Variants in TMTC1 observed in about 807,000 individuals in gnomAD.
The protein encoded by TMTC1 is transmembrane O-mannosyltransferase targeting cadherins 1.
Under a neutral mutation model 104.8 loss-of-function variants are expected in TMTC1, and 73 were observed. The observed-to-expected ratio is 0.70, with a 90% CI of 0.58 to 0.85. The LOEUF (loss-of-function observed/expected upper bound fraction) is 0.85, where lower values mean the gene tolerates loss of function less well. TMTC1 is among the 40% of genes least tolerant of loss of function. The pLI, the probability that TMTC1 is intolerant of heterozygous loss-of-function variation, is 0.00. For synonymous variants in TMTC1, 434 were observed against 428.7 expected (o/e 1.01, Z -0.15); for missense variants, 1,035 against 1,096.1 (o/e 0.94, Z 0.79).
chr12:29,760,567 C>T (rs1943320601), intron 2 of TMTC1, among the ~76,000 whole-genome samples: 2 of 152,122 alleles, frequency 1.3e-5, no homozygotes, highest in African/African-American at 4.8e-5. Context: ...TACGTCTTAA[C>T]TGTGGAATCA....
At chr12:29,590,324 CAAGTGGCTATA>C (rs1740141933) in intron 7 of TMTC1, among the ~76,000 whole-genome samples, 2 of 152,196 alleles carry the variant, frequency 1.3e-5, no homozygotes, top group Admixed American at 6.5e-5. Context: ...GTTATTGCCA[CAAGTGGCTATA>C]AAGTATCCTA....
At chr12:29,651,669 T>C (rs774937019) in intron 5 of TMTC1, among the ~76,000 whole-genome samples, 23 of 152,182 alleles carry the variant, frequency 1.5e-4, no homozygotes, top group Non-Finnish European at 2.4e-4. Context: ...ATTAAACCTT[T>C]TCATGTTCAG....
At chr12:29,629,295 G>C (rs1054213166) in intron 6 of TMTC1, among the ~76,000 whole-genome samples, 1 of 151,808 alleles carries the variant, frequency 6.6e-6, no homozygotes, top group African/African-American at 2.4e-5. Context: ...ACTCCAGCCT[G>C]GGCAACAGAG....
At chr12:29,691,490 C>CTGT in intron 5 of TMTC1, among the ~76,000 whole-genome samples, 1 of 109,024 alleles carries the variant, frequency 9.2e-6, no homozygotes, top group Non-Finnish European at 2.0e-5. Flanking sequence ...AATTACTCTC[C>CTGT]CTCCATTGAA....
At chr12:29,558,997 T>C (rs1180091163) in intron 9 of TMTC1, among the ~76,000 whole-genome samples, 1 of 152,226 alleles carries the variant, frequency 6.6e-6, no homozygotes, top group African/African-American at 2.4e-5. Context: ...TTGGCTTTTG[T>C]TTGCTTTGTA....
At chr12:29,754,985 GTAAGGACCT>G (rs1294926323) in intron 4 of TMTC1, among the ~76,000 whole-genome samples, 1 of 151,752 alleles carries the variant, frequency 6.6e-6, no homozygotes, top group African/African-American at 2.4e-5. Flanking sequence ...AAGTTTAAAA[GTAAGGACCT>G]TATAATTACT....
chr12:29,606,698 A>C (rs578177449), intron 6 of TMTC1, among the ~76,000 whole-genome samples: 1 of 152,290 alleles, frequency 6.6e-6, no homozygotes, highest in African/African-American at 2.4e-5. Flanking sequence ...GCTGTTATCC[A>C]TGTCCCTAGA....
chr12:29,522,582 GTGTGTA>G (rs1944206713), intron 11 of TMTC1, among the ~76,000 whole-genome samples: 1 of 124,200 alleles, frequency 8.1e-6, no homozygotes, highest in Admixed American at 7.7e-5. Context: ...GTGTGTGTGT[GTGTGTA>G]ATGAAGACAG....
chr12:29,770,086 A>G lies in TMTC1; in HGVS notation c.303-2011T>C, dbSNP rs145976903. ...ATCCTTGATAAATTTGACTACTCCC[A>G]TGGATCCTAAAATTTAGATAATAAA... On this transcript the variant is annotated intron_variant, in intron 1 of 17. Transcript: ENST00000539277. 4.9e-4 allele frequency among the ~76,000 whole-genome samples: 75 copies of G among 152,174 alleles called. No homozygotes were observed. The East Asian group carries it at 0.014, about 28-fold the overall frequency.
chr12:29,712,969 A>G (rs1941971253), intron 5 of TMTC1, among the ~76,000 whole-genome samples: 1 of 152,118 alleles, frequency 6.6e-6, no homozygotes, highest in African/African-American at 2.4e-5. Flanking sequence ...AGACGTTGCT[A>G]TGAAGGTATT....
At chr12:29,570,305 A>G (rs1455752017) in intron 9 of TMTC1, among the ~76,000 whole-genome samples, 2 of 152,234 alleles carry the variant, frequency 1.3e-5, no homozygotes, top group Non-Finnish European at 2.9e-5. Flanking sequence ...AACACACAAA[A>G]AATTATAAAG....
intron 16 of TMTC1, among the ~76,000 whole-genome samples, chr12:29,512,817 C>T (rs796457034): frequency 3.3e-5 from 5 of 152,124 alleles, no homozygotes; most frequent in Non-Finnish European, 5.9e-5. Context: ...CAAAGGTGTG[C>T]TCACCACTGA....
rs1943930234 is a variant in TMTC1 at position 29,514,576 on chromosome 12, T to C, written c.2336A>G (p.Gln779Arg). Residue 779 changes from glutamine to arginine, a missense_variant, in exon 16 of 18, where the codon CAG (glutamine) becomes CGG (arginine). Physicochemically the swap from Gln to Arg is conservative, Grantham distance 43 (BLOSUM62 1). Coordinates refer to ENST00000539277, the MANE Select transcript of TMTC1 (RefSeq NM_001193451.2). The stretch of plus-strand genomic sequence containing the variant: ...GACTTTTGGGTCCTTTGGTTTCAGC[T>C]GGAGAGCCTTGTCTATAGCATCAAG... ...KALDAIDKAL[Q>R]LKPKDPKVIS... The C allele has an allele frequency of 3.7e-6, 6 of 1,613,968 alleles. No individual in the cohort carries two copies. The highest frequency in any genetic ancestry group is 5.1e-6 in the Non-Finnish European group (6 of 1,179,992).
chr12:29,639,670 A>G (rs1275332418), intron 5 of TMTC1, among the ~76,000 whole-genome samples: 1 of 152,226 alleles, frequency 6.6e-6, no homozygotes, highest in East Asian at 1.9e-4. Context: ...ACCAAAAGAC[A>G]TTTAGAAGAT....
chr12:29,611,419 A>G (rs993914068), intron 6 of TMTC1, among the ~76,000 whole-genome samples: 8 of 152,238 alleles, frequency 5.3e-5, no homozygotes, highest in African/African-American at 9.6e-5. Flanking sequence ...GTGTATTAAA[A>G]TGTTTAAAAA....
intron 5 of TMTC1, among the ~76,000 whole-genome samples, chr12:29,745,372 C>T (rs1395774640): frequency 6.6e-6 from 1 of 151,996 alleles, no homozygotes; most frequent in Admixed American, 6.6e-5. Flanking sequence ...ACTTTAATTC[C>T]AGCACTTTGG....
Position 29,504,975 on chromosome 12 carries a change from A to C in TMTC1, c.*1871T>G, listed in dbSNP as rs1183855440. ...TTTGGGGGAAGAATAGTTCTTAATT[A>C]AGGTTGTGGATACATTTATGTTATA... On this transcript the variant is annotated 3_prime_UTR_variant, in exon 18 of 18. Coordinates refer to ENST00000539277, the MANE Select transcript of TMTC1 (RefSeq NM_001193451.2). 6.6e-6 allele frequency: 1 copy of C among 152,156 alleles called. No homozygotes were observed. The highest frequency in any genetic ancestry group is 2.1e-4 in the South Asian group (1 of 4,830). The allele number at this position is 152,156 out of a possible 1,614,324, so 9.4% of individuals were successfully genotyped here.
At chr12:29,728,589 C>T (rs2136908610) in intron 5 of TMTC1, among the ~76,000 whole-genome samples, 1 of 152,250 alleles carries the variant, frequency 6.6e-6, no homozygotes, top group Non-Finnish European at 1.5e-5. Context: ...TCACACAAAG[C>T]AGATGAGCAG....
intron 6 of TMTC1, among the ~76,000 whole-genome samples, chr12:29,628,459 G>C (rs1343864704): frequency 6.6e-6 from 1 of 152,126 alleles, no homozygotes; most frequent in Non-Finnish European, 1.5e-5. Context: ...GAGCTTTCCA[G>C]AGTTACCTGA....
Sources: allele counts gnomAD v4.1 joint callset (sites outside exome capture counted in the v4.1 genomes callset), GRCh38; gene constraint gnomAD v4.1.1; transcripts MANE v1.5; gene names NCBI Gene and HGNC (gene_info 2026-07-23, HGNC 2026-07-21).